ERC1: variants seen among roughly 807,000 people sequenced by gnomAD.
ERC1 encodes RAB6 interacting protein 2.
A neutral mutation model predicts 132.0 loss-of-function variants in ERC1; 56 were observed. That is an observed-to-expected ratio of 0.42 (90% CI 0.34 to 0.53). The LOEUF (loss-of-function observed/expected upper bound fraction) is 0.53. Among genes scored for constraint, ERC1 ranks in the 20% least tolerant of loss-of-function variants. ERC1 has a pLI of 0.03. For missense variants in ERC1, 1,202 were observed against 1,349.9 expected (o/e 0.89, Z 1.72); for synonymous variants, 478 against 476.1 (o/e 1.00, Z -0.05).
At chr12:1,233,168 T>C (rs892396820) in intron 12 of ERC1, among the ~76,000 whole-genome samples, 4 of 152,128 alleles carry the variant, frequency 2.6e-5, no homozygotes, top group Non-Finnish European at 4.4e-5. Context: ...TCTTAGCCTC[T>C]TTAAGAGTGA....
At chr12:1,410,564 G>A (rs747424839) in intron 17 of ERC1, 1 of 319,032 alleles carries the variant, frequency 3.1e-6, no homozygotes, top group South Asian at 2.9e-5. Context: ...AATCCCTGGT[G>A]TGCTTTCTGT....
intron 13 of ERC1, among the ~76,000 whole-genome samples, chr12:1,243,949 G>A (rs1315381090): frequency 6.6e-6 from 1 of 152,152 alleles, no homozygotes; most frequent in Non-Finnish European, 1.5e-5. Context: ...GTAGAGCTAA[G>A]ACCAAAGCTG....
intron 18 of ERC1, among the ~76,000 whole-genome samples, chr12:1,484,815 C>T (rs1197334669): frequency 7.2e-5 from 11 of 152,010 alleles, no homozygotes; most frequent in African/African-American, 1.5e-4. Context: ...CTCTTGACCT[C>T]GTGATGCGCC....
chr12:1,004,223 AT>A (rs1304928773), intron 1 of ERC1, among the ~76,000 whole-genome samples: 1 of 152,072 alleles, frequency 6.6e-6, no homozygotes, highest in Non-Finnish European at 1.5e-5. Flanking sequence ...CCTTTATTAG[AT>A]TAAGAAAGTT....
Position 1,462,735 on chromosome 12 carries a change from G to A in ERC1, c.3213+17985G>A, listed in dbSNP as rs112164331. On this transcript the variant is annotated intron_variant, in intron 18 of 18. Transcript: ENST00000360905. ...ATGAAAATGTCCTATATTTTGACTG[G>A]GGAGATGGCCATGTGGGTAGATAAA... is the stretch of plus-strand genomic sequence containing the variant. Among the ~76,000 whole-genome samples, 814 of 152,138 alleles carry A rather than the reference G, an allele frequency of 5.4e-3. 6 individuals are homozygous for A. The highest frequency in any genetic ancestry group is 0.018 in the African/African-American group (757 of 41,482).
chr12:1,289,973 C>T lies in ERC1; in HGVS notation c.2741C>T (p.Ala914Val), dbSNP rs761315010. 6.8e-6 allele frequency: 11 copies of T among 1,613,906 alleles called. No homozygotes were observed. Among genetic ancestry groups the T allele is most frequent in the African/African-American group, 2.7e-5 (2 of 74,882 alleles). The change falls in exon 15 of 19, where the codon GCA becomes GTA. Residue 914 changes from alanine to valine, a missense_variant. Ala to Val is a moderately conservative substitution (Grantham distance 64). Transcript: ENST00000360905. ...EKETHLTNLRAERRKHLEEVL... is the reference protein window; with the variant it reads ...EKETHLTNLRVERRKHLEEVL... ...GAAACTCACTTGACTAATCTTCGGGCAGAGAGAAGGAAACACTTAGAGGAA... is the reference window on the plus strand; with the variant it reads ...GAAACTCACTTGACTAATCTTCGGGTAGAGAGAAGGAAACACTTAGAGGAA...
chr12:1,081,289 C>T (rs1942160616), intron 2 of ERC1, among the ~76,000 whole-genome samples: 1 of 151,938 alleles, frequency 6.6e-6, no homozygotes, highest in African/African-American at 2.4e-5. Context: ...AAAGATCTAC[C>T]CTCTCAAACA....
chr12:1,293,075 C>A, intron 15 of ERC1, among the ~76,000 whole-genome samples: 1 of 149,710 alleles, frequency 6.7e-6, no homozygotes. Flanking sequence ...ACCTGGAAGG[C>A]GGAGGTTGCA....
chr12:1,317,168 GAAA>G (rs139637325), intron 15 of ERC1, among the ~76,000 whole-genome samples: 7 of 107,672 alleles, frequency 6.5e-5, no homozygotes, highest in Admixed American at 1.0e-4. Context: ...TCTCAAAAAC[GAAA>G]AAAAAAAAAA....
intron 18 of ERC1, among the ~76,000 whole-genome samples, chr12:1,476,024 G>A (rs2093964824): frequency 6.6e-6 from 1 of 151,734 alleles, no homozygotes; most frequent in African/African-American, 2.4e-5. Flanking sequence ...AGCACTTTGG[G>A]AGGCCGAGGT....
intron 18 of ERC1, among the ~76,000 whole-genome samples, chr12:1,474,592 T>C (rs2093933265): frequency 6.6e-6 from 1 of 152,244 alleles, no homozygotes; most frequent in South Asian, 2.1e-4. Context: ...TGACTTGTGC[T>C]GAGCGGTAAA....
intron 15 of ERC1, among the ~76,000 whole-genome samples, chr12:1,318,584 AACTC>A (rs1376592273): frequency 1.3e-5 from 2 of 152,184 alleles, no homozygotes; most frequent in African/African-American, 4.8e-5. Flanking sequence ...AATCAAATAA[AACTC>A]AATCATTAAT....
chr12:1,026,642 A>G (rs759689849), intron 1 of ERC1, among the ~76,000 whole-genome samples: 13 of 152,244 alleles, frequency 8.5e-5, no homozygotes, highest in Non-Finnish European at 1.6e-4. Context: ...AAGTCACACT[A>G]TGTGGGATAC....
Position 1,283,811 on chromosome 12 carries a change from G to A in ERC1, c.2620-6041G>A, listed in dbSNP as rs1314287889. On this transcript the variant is annotated intron_variant, in intron 14 of 18. Transcript: ENST00000360905. ...ATGTAATAGTTGTACGTATTTATGG[G>A]GTACATGTGATATTTTGATATATGT... 3.3e-5 allele frequency among the ~76,000 whole-genome samples: 5 copies of A among 152,062 alleles called. No homozygotes were observed. The South Asian group carries it at 6.2e-4, about 19-fold the overall frequency.
chr12:1,479,208 C>T (rs1203378089), intron 18 of ERC1, among the ~76,000 whole-genome samples: 1 of 152,064 alleles, frequency 6.6e-6, no homozygotes, highest in Non-Finnish European at 1.5e-5. Context: ...CAGCCTTCTT[C>T]CAGAGAGGAG....
chr12:1,139,374 A>T (rs987740357), intron 7 of ERC1, among the ~76,000 whole-genome samples: 2 of 152,310 alleles, frequency 1.3e-5, no homozygotes, highest in African/African-American at 4.8e-5. Flanking sequence ...TATTTTATTT[A>T]ATAATGGCCC....
intron 15 of ERC1, among the ~76,000 whole-genome samples, chr12:1,336,560 C>T (rs1243022342): frequency 1.3e-5 from 2 of 152,092 alleles, no homozygotes; most frequent in African/African-American, 2.4e-5. Context: ...GGTATGGTTT[C>T]GAGCAAAATT....
chr12:1,474,199 T>C (rs568989132), intron 18 of ERC1, among the ~76,000 whole-genome samples: 1 of 152,342 alleles, frequency 6.6e-6, no homozygotes. Context: ...TCAGACCTCA[T>C]GGCCTGTGAC....
At position 1,492,812 on chromosome 12, in the gene ERC1, T is replaced by G. The variant is rs751146798; in HGVS notation, c.*2582T>G. The G allele has an allele frequency of 4.3e-6, 1 of 231,300 alleles. No homozygotes were observed. The highest frequency in any genetic ancestry group is 8.5e-6 in the Non-Finnish European group (1 of 116,974). The allele number at this position is 231,300 out of a possible 1,614,324, so 14.3% of individuals were successfully genotyped here. On this transcript the variant is annotated 3_prime_UTR_variant, in exon 19 of 19. Transcript: ENST00000360905. ...GTAGCTTTCAGAGTGTCTCATTGAG[T>G]CTAGATCATTGAACCAACACTTAAC...
Sources: allele counts gnomAD v4.1 joint callset (sites outside exome capture counted in the v4.1 genomes callset), GRCh38; gene constraint gnomAD v4.1.1; transcripts MANE v1.5; gene names NCBI Gene and HGNC (gene_info 2026-07-23, HGNC 2026-07-21).